Variants in FSTL4 observed in about 807,000 individuals in gnomAD.
The protein encoded by FSTL4 is follistatin like 4.
FSTL4 carries 28 observed loss-of-function variants against 78.2 expected under a neutral mutation model. The observed-to-expected ratio is 0.36, with a 90% confidence interval of 0.27 to 0.49. The LOEUF (loss-of-function observed/expected upper bound fraction) is 0.49, where lower values mean the gene tolerates loss of function less well. Ranked by LOEUF, FSTL4 falls within the 20% of genes least tolerant of loss-of-function variation. The pLI, the probability that FSTL4 is intolerant of heterozygous loss-of-function variation, is 0.98. For missense variants in FSTL4, 922 were observed against 1,084.9 expected, an observed-to-expected ratio of 0.85 and a Z score of 2.11; for synonymous variants, 422 against 440.5, an observed-to-expected ratio of 0.96 and a Z score of 0.53.
the FSTL4 span, among the ~76,000 whole-genome samples, chr5:133,641,208 T>G: frequency 5.3e-5 from 8 of 151,962 alleles, no homozygotes; most frequent in Non-Finnish European, 7.4e-5. Context: ...CCCAACCATA[T>G]AGTGCCCACA....
the FSTL4 span, among the ~76,000 whole-genome samples, chr5:133,642,621 T>C: frequency 5.3e-5 from 8 of 152,214 alleles, no homozygotes; most frequent in Non-Finnish European, 5.9e-5. Flanking sequence ...AGCAGAAGAA[T>C]GCATATGCAA....
the FSTL4 span, among the ~76,000 whole-genome samples, chr5:133,791,903 T>C: frequency 6.6e-6 from 1 of 152,250 alleles, no homozygotes; most frequent in African/African-American, 2.4e-5. Context: ...TTCCCACTGA[T>C]CGCATTTTGC....
At chr5:133,200,594 T>G (rs1463314794) in intron 15 of FSTL4, among the ~76,000 whole-genome samples, 1 of 152,192 alleles carries the variant, frequency 6.6e-6, no homozygotes, top group Non-Finnish European at 1.5e-5. Flanking sequence ...CTCAGGTAGG[T>G]GGGAGTTGCT....
chr5:133,199,106 C>T lies in FSTL4; in HGVS notation c.2518G>A (p.Gly840Ser). ...IKGGTTVVWV[G>S]EV ...CTGCTCTGGGCCCTTCATACCTCAC[C>T]CACCCACACCACTGTGGTCCCCCCC... The change falls in exon 16 of 16, where the codon GGT becomes AGT. Residue 840 changes from glycine to serine, a missense_variant. Gly to Ser is a moderately conservative substitution (Grantham distance 56). Coordinates refer to ENST00000265342, the MANE Select transcript of FSTL4 (RefSeq NM_015082.2). The surrounding 1 kb of genome is among the most constrained non-coding windows in gnomAD (Gnocchi z 4.4). 6.5e-7 allele frequency: 1 copy of T among 1,540,356 alleles called. No homozygotes were observed. Among genetic ancestry groups the T allele is most frequent in the Non-Finnish European group, 8.8e-7 (1 of 1,139,948 alleles).
intron 3 of FSTL4, among the ~76,000 whole-genome samples, chr5:133,554,357 G>A (rs540785600): frequency 2.6e-5 from 4 of 152,318 alleles, no homozygotes; most frequent in East Asian, 1.9e-4. Context: ...CATGTTTCTC[G>A]CTATATTTCA....
At position 133,225,074 on chromosome 5, in the gene FSTL4, G is replaced by A; in HGVS notation, c.1312+76C>T. The A allele has an allele frequency of 1.3e-6, 2 of 1,545,782 alleles. No individual in the cohort carries two copies. Among genetic ancestry groups the A allele is most frequent in the Non-Finnish European group, 8.9e-7 (1 of 1,121,476 alleles). On this transcript the variant is annotated intron_variant, in intron 10 of 15. Coordinates refer to ENST00000265342, the MANE Select transcript of FSTL4 (RefSeq NM_015082.2). This position sits in a 1 kb window ranked among gnomAD's most constrained non-coding sequence, Gnocchi z 4.6. ...CTCATGGTTGGCAGCTGTGGCCCTGGTCAATTGGTGCCCTCCCTTGCCACC... is the reference window on the plus strand; with the variant it reads ...CTCATGGTTGGCAGCTGTGGCCCTGATCAATTGGTGCCCTCCCTTGCCACC...
intron 4 of FSTL4, among the ~76,000 whole-genome samples, chr5:133,391,967 T>C (rs1755860830): frequency 6.6e-6 from 1 of 152,244 alleles, no homozygotes; most frequent in African/African-American, 2.4e-5. Context: ...TTTTGTTCCC[T>C]GCTGTGTCCC....
At chr5:133,430,097 G>A (rs892477323) in intron 3 of FSTL4, among the ~76,000 whole-genome samples, 2 of 152,180 alleles carry the variant, frequency 1.3e-5, no homozygotes, top group African/African-American at 4.8e-5. Flanking sequence ...ATTTTTCCTT[G>A]TCCAAGCAAT....
chr5:133,460,584 C>A (rs900158170), intron 3 of FSTL4, among the ~76,000 whole-genome samples: 3 of 152,186 alleles, frequency 2.0e-5, no homozygotes, highest in African/African-American at 7.2e-5. Context: ...AGTAACAGGG[C>A]ATGTTTTATA....
At chr5:133,387,437 A>G (rs1271661923) in intron 4 of FSTL4, among the ~76,000 whole-genome samples, 1 of 151,908 alleles carries the variant, frequency 6.6e-6, no homozygotes, top group African/African-American at 2.4e-5. Context: ...ATTTCCCATG[A>G]TCCTATCCAC....
intron 6 of FSTL4, among the ~76,000 whole-genome samples, chr5:133,271,981 G>A (rs1193191253): frequency 2.0e-5 from 3 of 152,070 alleles, no homozygotes; most frequent in South Asian, 2.1e-4. Flanking sequence ...AGCTTTGACC[G>A]GGGGGCTTTG....
chr5:133,503,287 C>T (rs1008983966), intron 3 of FSTL4, among the ~76,000 whole-genome samples: 2 of 152,118 alleles, frequency 1.3e-5, no homozygotes, highest in Admixed American at 6.5e-5. Flanking sequence ...AACCAGCACT[C>T]CAGGAAGAGG....
intron 4 of FSTL4, among the ~76,000 whole-genome samples, chr5:133,381,905 T>C (rs1178473105): frequency 1.3e-5 from 2 of 152,366 alleles, no homozygotes; most frequent in East Asian, 3.9e-4. Flanking sequence ...AAGCAGGGCC[T>C]CTGTCCTCCA....
At chr5:133,311,453 C>T (rs188449216) in intron 6 of FSTL4, among the ~76,000 whole-genome samples, 47 of 152,254 alleles carry the variant, frequency 3.1e-4, no homozygotes, top group Admixed American at 5.9e-4. Flanking sequence ...CCTGCAACCA[C>T]GTCAAGCTCA....
At chr5:133,522,776 T>C (rs1210534530) in intron 3 of FSTL4, among the ~76,000 whole-genome samples, 4 of 152,200 alleles carry the variant, frequency 2.6e-5, no homozygotes, top group Non-Finnish European at 5.9e-5. Flanking sequence ...CCAATTATCA[T>C]TAATAAAGCA....
At chr5:133,621,483 A>G in the FSTL4 span, among the ~76,000 whole-genome samples, 1 of 152,226 alleles carries the variant, frequency 6.6e-6, no homozygotes, top group Non-Finnish European at 1.5e-5. Context: ...CTGTTATTCT[A>G]AGTGAAGTAA....
chr5:133,729,650 C>T, the FSTL4 span, among the ~76,000 whole-genome samples: 2 of 152,266 alleles, frequency 1.3e-5, no homozygotes, highest in East Asian at 3.9e-4. Context: ...ATTCCTCCCA[C>T]CTCAATATTC....
intron 6 of FSTL4, among the ~76,000 whole-genome samples, chr5:133,275,507 C>A (rs1752862588): frequency 6.6e-6 from 1 of 151,210 alleles, no homozygotes; most frequent in Admixed American, 6.6e-5. Context: ...TTCCAGGGTG[C>A]CGAGATCGTG....
chr5:133,812,449 C>A, the FSTL4 span, among the ~76,000 whole-genome samples: 1 of 152,236 alleles, frequency 6.6e-6, no homozygotes, highest in African/African-American at 2.4e-5. Flanking sequence ...TATGGGTCTT[C>A]CTTCTGGTTC....
Sources: allele counts gnomAD v4.1 joint callset (sites outside exome capture counted in the v4.1 genomes callset), GRCh38; gene constraint gnomAD v4.1.1; non-coding constraint Gnocchi (gnomAD v3.1); transcripts MANE v1.5; gene names NCBI Gene and HGNC (gene_info 2026-07-23, HGNC 2026-07-21).